Variants in RNASET2 observed in about 807,000 individuals in gnomAD.
RNASET2 encodes the protein ribonuclease T2, also known as ribonuclease 6.
In RNASET2, 28 loss-of-function variants were observed where a neutral mutation model predicts 33.9. The ratio of observed to expected loss-of-function variants is 0.83; its 90% CI spans 0.61 to 1.13. The LOEUF is 1.13. RNASET2 is among the 50% of genes most tolerant of loss of function. The pLI is 0.00. For missense variants in RNASET2, 330 were observed against 319.9 expected, an observed-to-expected ratio of 1.03 and a Z score of -0.24; for synonymous variants, 123 against 121.0, an observed-to-expected ratio of 1.02 and a Z score of -0.11.
rs372833941 is a variant in RNASET2, at chr6:166,956,548, C to G, written c.-366G>C. On this transcript the variant is annotated 5_prime_UTR_variant, in exon 1 of 9. Coordinates refer to ENST00000508775, the MANE Select transcript of RNASET2 (RefSeq NM_003730.6). ...CCCACGACCACGGTCAGTCGCGTTG[C>G]TCCCAGCCCAGGGCGCCCTGCGGGC... 8 of 315,248 alleles carry G rather than the reference C, an allele frequency of 2.5e-5. No homozygotes were observed. The highest frequency in any genetic ancestry group is 1.1e-4 in the African/African-American group (5 of 43,720). The allele number at this position is 315,248 out of a possible 1,614,324, so 19.5% of individuals were successfully genotyped here.
intron 1 of RNASET2, among the ~76,000 whole-genome samples, chr6:166,955,219 ACGCG>A (rs879717573): frequency 6.8e-5 from 6 of 88,866 alleles, no homozygotes; most frequent in Non-Finnish European, 9.9e-5. Flanking sequence ...GCACGCACAC[ACGCG>A]CACACACGCA....
intron 8 of RNASET2, 35 bp from the exon 9 acceptor site, chr6:166,929,826 A>G: frequency 6.3e-7 from 1 of 1,582,528 alleles, no homozygotes; most frequent in Non-Finnish European, 8.7e-7. Flanking sequence ...TTTAGAATTC[A>G]GATCTTGGAT....
intron 1 of RNASET2, among the ~76,000 whole-genome samples, chr6:166,955,308 GACACACACGCA>G (rs1305466670): frequency 0.11 from 3,851 of 35,484 alleles, 135 homozygotes; most frequent in Middle Eastern, 0.16. Context: ...GCGCACACAC[GACACACACGCA>G]CACACACGCA....
chr6:166,928,305 C>T lies in RNASET2; in HGVS notation c.*1283G>A, dbSNP rs1041152385. On this transcript the variant is annotated 3_prime_UTR_variant, in exon 9 of 9. Transcript: ENST00000508775. ...CTCACCGTCCCATCTGCCTGGTAAA[C>T]CTTTGTCTCTCTCTGAACATTCTGC... 6.6e-6 allele frequency among the ~76,000 whole-genome samples: 1 copy of T among 152,248 alleles called. No individual in the cohort carries two copies.
At chr6:166,937,872 C>T (rs1778605233) in intron 6 of RNASET2, among the ~76,000 whole-genome samples, 1 of 152,146 alleles carries the variant, frequency 6.6e-6, no homozygotes, top group African/African-American at 2.4e-5. Context: ...CGTGCCAAGC[C>T]CCTCTTCTAT....
Position 166,929,026 on chromosome 6 carries a change from GC to G in RNASET2, c.*561del, listed in dbSNP as rs1358924166. Among the ~76,000 whole-genome samples the G allele has an allele frequency of 2.0e-5, 3 of 152,240 alleles. No individual in the cohort carries two copies. The highest frequency in any genetic ancestry group is 7.2e-5 in the African/African-American group (3 of 41,472). On this transcript the variant is annotated 3_prime_UTR_variant, in exon 9 of 9. Coordinates refer to ENST00000508775, the MANE Select transcript of RNASET2 (RefSeq NM_003730.6). ...ACCCAAATCTCCTAGGGCAGGAGGG[GC>G]AAAGTCACCGTTCTAGGACACACCT...
rs1778276120 is a variant in RNASET2, at chr6:166,924,546, C to G, written c.*5042G>C. Among the ~76,000 whole-genome samples the G allele has an allele frequency of 6.6e-6, 1 of 152,182 alleles. No individual in the cohort carries two copies. Among genetic ancestry groups the G allele is most frequent in the South Asian group, 2.1e-4 (1 of 4,828 alleles). On this transcript the variant is annotated 3_prime_UTR_variant, in exon 9 of 9. Coordinates refer to ENST00000508775, the MANE Select transcript of RNASET2 (RefSeq NM_003730.6). ...TTGTAGTGTGACGTGGCCATTAGGG[C>G]CCACAGATCCTTCCCTGCAGTTGCT...
chr6:166,949,271 A>T (rs1778924689), intron 2 of RNASET2, among the ~76,000 whole-genome samples: 1 of 146,494 alleles, frequency 6.8e-6, no homozygotes, highest in East Asian at 2.1e-4. Flanking sequence ...TGGGAGGCGG[A>T]GGTGGGCAGA....
chr6:166,955,221 G>GCACGCGCACAGGCACGCACGCACA (rs1160982253), intron 1 of RNASET2, among the ~76,000 whole-genome samples: 1 of 93,996 alleles, frequency 1.1e-5, no homozygotes, highest in Non-Finnish European at 2.1e-5. Flanking sequence ...ACGCACACAC[G>GCACGCGCACAGGCACGCACGCACA]CGCACACACG....
chr6:166,955,235 GCACGCACACACA>G (rs1779093697), intron 1 of RNASET2, among the ~76,000 whole-genome samples: 4 of 95,418 alleles, frequency 4.2e-5, no homozygotes, highest in African/African-American at 1.5e-4. Context: ...ACACACGCAC[GCACGCACACACA>G]CGCACACACG....
intron 2 of RNASET2, among the ~76,000 whole-genome samples, chr6:166,951,009 C>A (rs144024559): frequency 6.6e-6 from 1 of 152,098 alleles, no homozygotes; most frequent in Non-Finnish European, 1.5e-5. Context: ...CACCAAGACG[C>A]GGAGACCAGT....
intron 3 of RNASET2, among the ~76,000 whole-genome samples, chr6:166,948,103 T>C (rs1041876376): frequency 6.6e-5 from 10 of 152,158 alleles, no homozygotes; most frequent in Admixed American, 3.3e-4. Context: ...CCCAGCACTT[T>C]GGGAGGCCAA....
intron 4 of RNASET2, chr6:166,943,671 A>C (rs763048048): frequency 2.2e-6 from 1 of 448,430 alleles, no homozygotes; most frequent in South Asian, 1.7e-5. Context: ...CCTAATGTTA[A>C]TGCTAAACTT....
chr6:166,955,557 A>G, intron 1 of RNASET2: 1 of 986,786 alleles, frequency 1.0e-6, no homozygotes, highest in Non-Finnish European at 1.2e-6. Flanking sequence ...CCTCTGAGAG[A>G]ACTTCGAGTG....
rs954271133 is a variant in RNASET2 at position 166,927,662 on chromosome 6, G to A, written c.*1926C>T. On this transcript the variant is annotated 3_prime_UTR_variant, in exon 9 of 9. Coordinates refer to ENST00000508775, the MANE Select transcript of RNASET2 (RefSeq NM_003730.6). Reference sequence around the variant, plus strand: ...TGTTCAAATTCACCAGCTCCTCTGGGAATAATGAAGATAAAACCCAAGCCT... The same window carrying A: ...TGTTCAAATTCACCAGCTCCTCTGGAAATAATGAAGATAAAACCCAAGCCT... 4.5e-5 allele frequency among the ~76,000 whole-genome samples: 5 copies of A among 112,076 alleles called. No individual in the cohort carries two copies. Among genetic ancestry groups the A allele is most frequent in the Non-Finnish European group, 6.9e-5 (4 of 57,658 alleles). 73.5% of individuals were successfully genotyped at this position (112,076 alleles called of 152,430 possible). A position where few individuals can be genotyped will look rare whatever the true frequency, so the allele number is the denominator to read the frequency against.
At position 166,927,393 on chromosome 6, in the gene RNASET2, T is replaced by C. The variant is rs1778322928; in HGVS notation, c.*2195A>G. Among the ~76,000 whole-genome samples the C allele has an allele frequency of 6.6e-6, 1 of 152,154 alleles. No individual in the cohort carries two copies. Among genetic ancestry groups the C allele is most frequent in the African/African-American group, 2.4e-5 (1 of 41,418 alleles). On this transcript the variant is annotated 3_prime_UTR_variant, in exon 9 of 9. Transcript: ENST00000508775. ...CCCCTCACCAGTGCCTTCTTCCATT[T>C]AGCTGACGTGACAATGGCAGGAAAC...
At chr6:166,936,350 C>CGTGT (rs56962763) in intron 6 of RNASET2, among the ~76,000 whole-genome samples, 16,340 of 149,380 alleles carry the variant, frequency 0.11, 1,058 homozygotes, top group East Asian at 0.22. Context: ...TTGCATGTGT[C>CGTGT]GTGTGTGTGT....
chr6:166,954,652 C>A (rs149248238), intron 1 of RNASET2, among the ~76,000 whole-genome samples: 1 of 152,154 alleles, frequency 6.6e-6, no homozygotes, highest in African/African-American at 2.4e-5. Context: ...ATACACTTTC[C>A]GGAACACTGA....
At chr6:166,937,603 G>T (rs1002785344) in intron 6 of RNASET2, among the ~76,000 whole-genome samples, 1 of 152,162 alleles carries the variant, frequency 6.6e-6, no homozygotes, top group Non-Finnish European at 1.5e-5. Flanking sequence ...AAAGTGTATA[G>T]GTCTGTGTAC....
Sources: gnomAD v4.1 joint callset for allele counts (sites outside exome capture counted in the v4.1 genomes callset) on GRCh38, gnomAD v4.1.1 for gene constraint, MANE v1.5 for transcripts, NCBI Gene and HGNC (gene_info 2026-07-23, HGNC 2026-07-21) for gene names.